The following AK2 variants were observed in gnomAD, a reference collection of about 807,000 sequenced individuals.
AK2 encodes adenylate kinase 2, mitochondrial.
A neutral mutation model predicts 24.6 loss-of-function variants in AK2; 15 were observed. The observed-to-expected ratio is 0.61, with a 90% CI of 0.41 to 0.94. AK2 has a LOEUF of 0.94. Ranked by LOEUF, AK2 falls within the 40% of genes least tolerant of loss-of-function variation. The probability of loss-of-function intolerance (pLI) is 0.00; values close to 1 mark genes in which losing one functional copy is unlikely to be tolerated. For synonymous variants in AK2, 102 were observed against 114.0 expected (o/e 0.90, Z 0.67); for missense variants, 257 against 304.1 (o/e 0.85, Z 1.15).
chr1:33,008,492 AGCGCTGAGT>A lies in AK2; in HGVS notation c.*4680_*4688del. 1 of 453,994 alleles carries A rather than the reference AGCGCTGAGT, an allele frequency of 2.2e-6. No individual in the cohort carries two copies. The highest frequency in any genetic ancestry group is 4.4e-6 in the Non-Finnish European group (1 of 226,800). 28.1% of individuals were successfully genotyped at this position (453,994 alleles called of 1,614,324 possible). A position where few individuals can be genotyped will look rare whatever the true frequency, so the allele number is the denominator to read the frequency against. ...TGACTTCTTCAAAATCAGTTCCGGC[AGCGCTGAGT>A]GTCCATGGAAAAGAGCTCTTATTCA... On this transcript the variant is annotated 3_prime_UTR_variant, in exon 6 of 6. Transcript: ENST00000672715.
At position 33,021,638 on chromosome 1, in the gene AK2, A is replaced by G. The variant is rs1557622353; in HGVS notation, c.285T>C (p.Gly95=). 1.2e-6 allele frequency: 2 copies of G among 1,614,132 alleles called. No individual in the cohort carries two copies. Among genetic ancestry groups the G allele is most frequent in the Admixed American group, 1.7e-5 (1 of 60,010 alleles). The change falls in exon 3 of 6, where the codon GGT becomes GGC. Residue 95 remains glycine (G), a synonymous_variant. Coordinates refer to ENST00000672715, the MANE Select transcript of AK2 (RefSeq NM_001625.4). Reference sequence around the variant, plus strand: ...TCCGAGGGAAGCCATCCAGAAGAAAACCATTTTTGCACAAGGGGGTCTCCA... The same window carrying G: ...TCCGAGGGAAGCCATCCAGAAGAAAGCCATTTTTGCACAAGGGGGTCTCCA... The part of the protein sequence containing the change: ...KNLETPLCKN[G]FLLDGFPRTV...
Position 33,011,361 on chromosome 1 carries a change from C to CA in AK2, c.*1819dup. Reference sequence around the variant, plus strand: ...AAGTCATGTGCTTCCCAGAAACACACAAAGCCAGACTGAGTTTCCATTAAG... The same window carrying CA: ...AAGTCATGTGCTTCCCAGAAACACACAAAAGCCAGACTGAGTTTCCATTAAG... On this transcript the variant is annotated 3_prime_UTR_variant, in exon 6 of 6. Coordinates refer to ENST00000672715, the MANE Select transcript of AK2 (RefSeq NM_001625.4). The CA allele has an allele frequency of 7.8e-7, 1 of 1,287,780 alleles. No homozygotes were observed. The highest frequency in any genetic ancestry group is 1.0e-6 in the Non-Finnish European group (1 of 989,072). The allele number at this position is 1,287,780 out of a possible 1,614,324, so 79.8% of individuals were successfully genotyped here.
At position 33,012,227 on chromosome 1, in the gene AK2, TCAGCATCATGATG is replaced by T. The variant is rs575114345; in HGVS notation, c.*941_*953del. The stretch of plus-strand genomic sequence containing the variant: ...CCCAATTCCCAAATAATTGCTATTT[TCAGCATCATGATG>T]CAGATCACAAAAATATTCCAATTTG... On this transcript the variant is annotated 3_prime_UTR_variant, in exon 6 of 6. Transcript: ENST00000672715. 357 of 1,535,414 alleles carry T rather than the reference TCAGCATCATGATG, an allele frequency of 2.3e-4. 3 individuals are homozygous for T. In the African/African-American group the frequency reaches 4.2e-3, roughly 18 times the overall value.
chr1:33,010,764 C>A lies in AK2; in HGVS notation c.*2417G>T, dbSNP rs762824316. ...GACCACCCTTCCCCTCTGCCCAGCA[C>A]CTAAGAGCAGGGATCACGCCGCGGG... On this transcript the variant is annotated 3_prime_UTR_variant, in exon 6 of 6. Transcript: ENST00000672715. 1 of 1,614,312 alleles carries A rather than the reference C, an allele frequency of 6.2e-7. No homozygotes were observed. Among genetic ancestry groups the A allele is most frequent in the Admixed American group, 1.7e-5 (1 of 60,038 alleles).
chr1:33,010,027 T>C lies in AK2; in HGVS notation c.*3154A>G, dbSNP rs562916749. On this transcript the variant is annotated 3_prime_UTR_variant, in exon 6 of 6. Transcript: ENST00000672715. ...AATACATCACAGTGCTGTTGAGTGA[T>C]CCCAGTCACAGGATTTGAGAATGGA... 1 of 454,632 alleles carries C rather than the reference T, an allele frequency of 2.2e-6. No homozygotes were observed. Among genetic ancestry groups the C allele is most frequent in the African/African-American group, 2.0e-5 (1 of 50,156 alleles). 28.2% of individuals were successfully genotyped at this position (454,632 alleles called of 1,614,324 possible).
At chr1:33,036,130 C>CT (rs1379906880) in intron 1 of AK2, among the ~76,000 whole-genome samples, 2 of 152,058 alleles carry the variant, frequency 1.3e-5, no homozygotes, top group Non-Finnish European at 2.9e-5. Flanking sequence ...ACTCATGGGT[C>CT]TCCAGGCTAT....
rs1058771 is a variant in AK2 at position 33,009,096 on chromosome 1, G to A, written c.*4085C>T. On this transcript the variant is annotated 3_prime_UTR_variant, in exon 6 of 6. Coordinates refer to ENST00000672715, the MANE Select transcript of AK2 (RefSeq NM_001625.4). Reference sequence around the variant, plus strand: ...GCACAGGTGAGGAAGTGGAGCAGAAGAGGGAGGGGCTGGTTCAGGGAACAG... The same window carrying A: ...GCACAGGTGAGGAAGTGGAGCAGAAAAGGGAGGGGCTGGTTCAGGGAACAG... The A allele has an allele frequency of 2.2e-6, 1 of 453,730 alleles. No homozygotes were observed. The highest frequency in any genetic ancestry group is 2.0e-5 in the African/African-American group (1 of 50,000). The allele number at this position is 453,730 out of a possible 1,614,324, so 28.1% of individuals were successfully genotyped here.
At position 33,011,515 on chromosome 1, in the gene AK2, TA is replaced by T. The variant is rs1638818053; in HGVS notation, c.*1665del. On this transcript the variant is annotated 3_prime_UTR_variant, in exon 6 of 6. Transcript: ENST00000672715. Reference sequence around the variant, plus strand: ...GCCCAGTTGCCATGTGGACAGCAGATAAGACCTCTGGTAGTCTCACAGATGG... The same window carrying T: ...GCCCAGTTGCCATGTGGACAGCAGATAGACCTCTGGTAGTCTCACAGATGG... 5 of 1,287,428 alleles carry T rather than the reference TA, an allele frequency of 3.9e-6. No homozygotes were observed. The highest frequency in any genetic ancestry group is 4.6e-5 in the Admixed American group (2 of 43,556). 79.8% of individuals were successfully genotyped at this position (1,287,428 alleles called of 1,614,324 possible).
intron 2 of AK2, among the ~76,000 whole-genome samples, chr1:33,022,744 T>C (rs1334144452): frequency 6.6e-6 from 1 of 152,192 alleles, no homozygotes; most frequent in Non-Finnish European, 1.5e-5. Flanking sequence ...TGGGCTGTTA[T>C]AGAAAGAAAA....
intron 2 of AK2, among the ~76,000 whole-genome samples, chr1:33,022,351 CTTTTTTTTTTT>C (rs397862465): frequency 5.3e-5 from 6 of 112,370 alleles, no homozygotes; most frequent in Non-Finnish European, 7.2e-5. Flanking sequence ...TCTTCCCTCA[CTTTTTTTTTTT>C]TTTTTTTTTT....
chr1:33,021,793 T>G, intron 2 of AK2, 90 bp from the exon 3 acceptor site: 1 of 987,474 alleles, frequency 1.0e-6, no homozygotes, highest in African/African-American at 1.6e-5. Flanking sequence ...AGTTTGTGTA[T>G]ATAACCTTAT....
At position 33,013,093 on chromosome 1, in the gene AK2, T is replaced by TAGCCTGAGCAAGCAAAAGCA; in HGVS notation, c.*87_*88insTGCTTTTGCTTGCTCAGGCT. On this transcript the variant is annotated 3_prime_UTR_variant, in exon 6 of 6. Transcript: ENST00000672715. ...TCAATACATCAAATGATATTTTTGCTAGCCTGAGGAAGCTTCTCTTTGCCT... is the reference window on the plus strand; with the variant it reads ...TCAATACATCAAATGATATTTTTGCTAGCCTGAGCAAGCAAAAGCAAGCCTGAGGAAGCTTCTCTTTGCCT... 6.2e-7 allele frequency: 1 copy of TAGCCTGAGCAAGCAAAAGCA among 1,611,738 alleles called. No homozygotes were observed.
At chr1:33,016,470 C>T (rs942150947) in intron 4 of AK2, among the ~76,000 whole-genome samples, 1 of 151,880 alleles carries the variant, frequency 6.6e-6, no homozygotes, top group Admixed American at 6.6e-5. Flanking sequence ...CTCAGCCTTC[C>T]GAAGTGCTGG....
intron 4 of AK2, among the ~76,000 whole-genome samples, chr1:33,017,900 G>A (rs1254452854): frequency 5.9e-5 from 9 of 152,018 alleles, no homozygotes; most frequent in African/African-American, 9.7e-5. Flanking sequence ...GACCACCACC[G>A]CAGGTGCACA....
chr1:33,034,516 G>A (rs1640459148), intron 1 of AK2, among the ~76,000 whole-genome samples: 1 of 151,758 alleles, frequency 6.6e-6, no homozygotes, highest in Non-Finnish European at 1.5e-5. Context: ...GTATCATTGT[G>A]AATGTTTAGT....
At chr1:33,034,481 C>CAT (rs1640452960) in intron 1 of AK2, among the ~76,000 whole-genome samples, 2 of 148,410 alleles carry the variant, frequency 1.3e-5, no homozygotes, top group South Asian at 4.2e-4. Flanking sequence ...CACACACACA[C>CAT]ACACACATAT....
chr1:33,008,330 G>GT lies in AK2; in HGVS notation c.*4850dup, dbSNP rs1386486883. 2.2e-6 allele frequency: 1 copy of GT among 453,948 alleles called. No homozygotes were observed. The highest frequency in any genetic ancestry group is 4.4e-6 in the Non-Finnish European group (1 of 226,772). The allele number at this position is 453,948 out of a possible 1,614,324, so 28.1% of individuals were successfully genotyped here. A position where few individuals can be genotyped will look rare whatever the true frequency, so the allele number is the denominator to read the frequency against. The stretch of plus-strand genomic sequence containing the variant: ...GCTGTTGAAATCTGTCTTCTGACTC[G>GT]TTGCTCTGTCTTCATCTGAGGAAAG... On this transcript the variant is annotated 3_prime_UTR_variant, in exon 6 of 6. Coordinates refer to ENST00000672715, the MANE Select transcript of AK2 (RefSeq NM_001625.4).
intron 2 of AK2, 177 bp downstream of exon 2, chr1:33,024,265 G>C: frequency 1.2e-6 from 1 of 861,890 alleles, no homozygotes; most frequent in Non-Finnish European, 1.8e-6. Flanking sequence ...ATGATGGAAA[G>C]TTCTGTATCA....
rs1225504829 is a variant in AK2 at position 33,010,269 on chromosome 1, C to G, written c.*2912G>C. 1 of 454,722 alleles carries G rather than the reference C, an allele frequency of 2.2e-6. No homozygotes were observed. Among genetic ancestry groups the G allele is most frequent in the Admixed American group, 2.3e-5 (1 of 42,564 alleles). 28.2% of individuals were successfully genotyped at this position (454,722 alleles called of 1,614,324 possible). On this transcript the variant is annotated 3_prime_UTR_variant, in exon 6 of 6. Transcript: ENST00000672715. ...TTTCCATTTCATTCCCTTCCCCCTC[C>G]CCTTGATTCCAGTTTGCTTGATTTG...
Sources: allele counts gnomAD v4.1 joint callset (sites outside exome capture counted in the v4.1 genomes callset), GRCh38; gene constraint gnomAD v4.1.1; transcripts MANE v1.5; gene names NCBI Gene and HGNC (gene_info 2026-07-23, HGNC 2026-07-21).